The following ZNF546 variants were observed in gnomAD, a reference collection of about 807,000 sequenced individuals.
ZNF546 encodes CTC-471F3.6.
In ZNF546, 60 loss-of-function variants were observed where a neutral mutation model predicts 76.2. That is an observed-to-expected ratio of 0.79 (90% CI 0.64 to 0.98). The LOEUF (loss-of-function observed/expected upper bound fraction) is 0.98, where lower values mean the gene tolerates loss of function less well. Ranked by LOEUF, ZNF546 falls within the 50% of genes least tolerant of loss-of-function variation. The probability of loss-of-function intolerance (pLI) is 0.00; values close to 1 mark genes in which losing one functional copy is unlikely to be tolerated. For synonymous variants in ZNF546, 277 were observed against 328.1 expected (o/e 0.84, Z 1.68); for missense variants, 936 against 1,035.6 (o/e 0.90, Z 1.32).
At chr19:40,001,600 G>C (rs1353458432) in intron 3 of ZNF546, among the ~76,000 whole-genome samples, 2 of 152,084 alleles carry the variant, frequency 1.3e-5, no homozygotes, top group Admixed American at 1.3e-4. Context: ...GACCTCAGGT[G>C]ATCCACCCAC....
Position 40,014,169 on chromosome 19 carries a change from C to T in ZNF546, c.899C>T (p.Pro300Leu). The stretch of plus-strand genomic sequence containing the variant: ...CAGAGAATACATTCTGGTGTGAAAC[C>T]CTACGAGTGTAAGGAATGTGGGAAA... Reference protein sequence around the residue: ...EHQRIHSGVKPYECKECGKAF... With the variant: ...EHQRIHSGVKLYECKECGKAF... The change falls in exon 7 of 7, where the codon CCC (proline) becomes CTC (leucine). Residue 300 changes from proline (P) to leucine (L), a missense_variant. Coordinates refer to ENST00000347077, the MANE Select transcript of ZNF546 (RefSeq NM_178544.5). 1 of 1,613,764 alleles carries T rather than the reference C, an allele frequency of 6.2e-7. No individual in the cohort carries two copies. The highest frequency in any genetic ancestry group is 1.1e-5 in the South Asian group (1 of 91,064).
Position 40,006,304 on chromosome 19 carries a change from C to T in ZNF546, c.171+122C>T, listed in dbSNP as rs112628677. On this transcript the variant is annotated intron_variant, in intron 4 of 6. Coordinates refer to ENST00000347077, the MANE Select transcript of ZNF546 (RefSeq NM_178544.5). ...TGTTGTGGAACCTGCTCCCTAGTTA[C>T]TCCCTAGTTACAGTGAAGGATAGTG... The T allele has an allele frequency of 1.6e-3, 1,253 of 772,326 alleles. 15 individuals are homozygous for T. In the African/African-American group the frequency reaches 0.023, roughly 14 times the overall value. The allele number at this position is 772,326 out of a possible 1,614,324, so 47.8% of individuals were successfully genotyped here.
chr19:40,019,697 G>A lies in ZNF546; in HGVS notation c.*3916G>A, dbSNP rs1218174651. 2.0e-5 allele frequency: 3 copies of A among 152,154 alleles called. No individual in the cohort carries two copies. Among genetic ancestry groups the A allele is most frequent in the Admixed American group, 1.3e-4 (2 of 15,274 alleles). The allele number at this position is 152,154 out of a possible 1,614,324, so 9.4% of individuals were successfully genotyped here. On this transcript the variant is annotated 3_prime_UTR_variant, in exon 7 of 7. Coordinates refer to ENST00000347077, the MANE Select transcript of ZNF546 (RefSeq NM_178544.5). ...TCTTAAAAGGCAAAAATGTAGGTGA[G>A]TCATTACGAAGAAAGCAGAAATTCT... is the stretch of plus-strand genomic sequence containing the variant.
At position 40,014,598 on chromosome 19, in the gene ZNF546, G is replaced by A; in HGVS notation, c.1328G>A (p.Cys443Tyr). The A allele has an allele frequency of 6.2e-7, 1 of 1,613,608 alleles. No homozygotes were observed. Among genetic ancestry groups the A allele is most frequent in the Non-Finnish European group, 8.5e-7 (1 of 1,179,746 alleles). Reference protein sequence around the residue: ...RIHTGEKPYECRECGKAFRLQ... With the variant: ...RIHTGEKPYEYRECGKAFRLQ... ...CATACTGGTGAGAAACCCTATGAAT[G>A]TAGAGAATGTGGAAAAGCCTTTCGT... Residue 443 changes from cysteine (C) to tyrosine (Y), a missense_variant, in exon 7 of 7, where the codon TGT (cysteine) becomes TAT (tyrosine). By Grantham distance (194) the Cys-to-Tyr change is radical. Transcript: ENST00000347077.
At chr19:40,008,325 T>TA in intron 5 of ZNF546, 145 bp from the exon 6 acceptor site, 1 of 500,462 alleles carries the variant, frequency 2.0e-6, no homozygotes. Flanking sequence ...AGATGGCCTT[T>TA]TTCTTCTTTA....
rs1399757332 is a variant in ZNF546 at position 40,008,556 on chromosome 19, T to C, written c.385T>C (p.Trp129Arg). The change falls in exon 6 of 7, where the codon TGG (tryptophan) becomes CGG (arginine). Residue 129 changes from tryptophan to arginine, a missense_variant. Trp to Arg is a moderately radical substitution (Grantham distance 101). Transcript: ENST00000347077. ...WIVMREGTRN[W>R]FTDLEYKYIT... The stretch of plus-strand genomic sequence containing the variant: ...AGTAATGAGGGAAGGGACAAGGAAT[T>C]GGTTCACAGGTGAGTGACAGCAAAT... The C allele has an allele frequency of 1.2e-6, 2 of 1,612,758 alleles. No individual in the cohort carries two copies. The highest frequency in any genetic ancestry group is 1.7e-6 in the Non-Finnish European group (2 of 1,179,002).
Position 40,014,270 on chromosome 19 carries a change from T to C in ZNF546, c.1000T>C (p.Cys334Arg), listed in dbSNP as rs1165798182. The C allele has an allele frequency of 1.9e-6, 3 of 1,613,924 alleles. No individual in the cohort carries two copies. The highest frequency in any genetic ancestry group is 2.2e-5 in the East Asian group (1 of 44,866). Residue 334 changes from cysteine to arginine, a missense_variant, in exon 7 of 7, where the codon TGT becomes CGT. By Grantham distance (180) the Cys-to-Arg change is radical. Transcript: ENST00000347077. ...AGAGAGACCTTATGAATGTAAAGAA[T>C]GTGGGAAGGCCTTTAGACTTCATTA... The part of the protein sequence containing the change: ...AGERPYECKE[C>R]GKAFRLHYQL...
chr19:40,019,370 G>A lies in ZNF546; in HGVS notation c.*3589G>A, dbSNP rs553436194. On this transcript the variant is annotated 3_prime_UTR_variant, in exon 7 of 7. Transcript: ENST00000347077. Reference sequence around the variant, plus strand: ...AAGAATGAAGAAGCATTAAACTCAAGAAACTAAGGGAAAAATAAGTCAATA... The same window carrying A: ...AAGAATGAAGAAGCATTAAACTCAAAAAACTAAGGGAAAAATAAGTCAATA... 5.3e-5 allele frequency: 8 copies of A among 152,094 alleles called. No homozygotes were observed. In the South Asian group the frequency reaches 1.2e-3, roughly 24 times the overall value. The allele number at this position is 152,094 out of a possible 1,614,324, so 9.4% of individuals were successfully genotyped here. A position where few individuals can be genotyped will look rare whatever the true frequency, so the allele number is the denominator to read the frequency against.
chr19:40,015,823 A>T lies in ZNF546; in HGVS notation c.*42A>T. The T allele has an allele frequency of 6.3e-7, 1 of 1,579,718 alleles. No individual in the cohort carries two copies. Among genetic ancestry groups the T allele is most frequent in the South Asian group, 1.1e-5 (1 of 89,414 alleles). ...TTTAGAAAATGCCCTTTAGCAGAGA[A>T]TTTGTAATTTAAGAAATTTTCTGTT... is the stretch of plus-strand genomic sequence containing the variant. On this transcript the variant is annotated 3_prime_UTR_variant, in exon 7 of 7. Coordinates refer to ENST00000347077, the MANE Select transcript of ZNF546 (RefSeq NM_178544.5).
At chr19:40,007,448 G>A in intron 5 of ZNF546, 48 bp downstream of exon 5, 1 of 1,491,446 alleles carries the variant, frequency 6.7e-7, no homozygotes, top group Non-Finnish European at 9.0e-7. Flanking sequence ...TGGAGTATCA[G>A]CTTTCTCCAC....
chr19:40,005,974 T>G (rs1000019536), intron 3 of ZNF546, 122 bp from the exon 4 acceptor site: 5 of 850,800 alleles, frequency 5.9e-6, no homozygotes, highest in African/African-American at 1.7e-5. Context: ...TTCCCCAGTT[T>G]ATATGCGCAG....
chr19:39,999,225 T>C (rs78343306), intron 3 of ZNF546, among the ~76,000 whole-genome samples: 305 of 152,350 alleles, frequency 2.0e-3, no homozygotes, highest in African/African-American at 7.1e-3. Context: ...AATTTTCTTA[T>C]TCAGTCTGCA....
intron 3 of ZNF546, among the ~76,000 whole-genome samples, chr19:40,005,438 G>T (rs1189883758): frequency 6.6e-6 from 1 of 152,110 alleles, no homozygotes; most frequent in Non-Finnish European, 1.5e-5. Flanking sequence ...CTACAAATCT[G>T]TAGCATTTAC....
intron 6 of ZNF546, among the ~76,000 whole-genome samples, chr19:40,012,754 A>G (rs1028482462): frequency 3.3e-5 from 5 of 151,760 alleles, no homozygotes; most frequent in Non-Finnish European, 7.4e-5. Flanking sequence ...ATTTCCCTAA[A>G]TCCATCCTAA....
intron 6 of ZNF546, among the ~76,000 whole-genome samples, chr19:40,011,908 C>T (rs1182250136): frequency 6.6e-6 from 1 of 152,182 alleles, no homozygotes; most frequent in Non-Finnish European, 1.5e-5. Flanking sequence ...ATTTAGGGCC[C>T]ACCCTTTTTC....
In ZNF546 at chr19:39,998,244, T is replaced by C. The variant is rs559183669; in HGVS notation, c.-79-4T>C. 2 of 1,093,488 alleles carry C rather than the reference T, an allele frequency of 1.8e-6. No homozygotes were observed. Among genetic ancestry groups the C allele is most frequent in the African/African-American group, 3.1e-5 (2 of 63,590 alleles). The allele number at this position is 1,093,488 out of a possible 1,614,324, so 67.7% of individuals were successfully genotyped here. On this transcript the variant is annotated splice_polypyrimidine_tract_variant and splice_region_variant and intron_variant, in intron 2 of 6. Transcript: ENST00000347077. Reference sequence around the variant, plus strand: ...ATAAATGCATAAAATGTTTTTGTTTTTAGGAAATGGAAACATTGCTTTGCT... The same window carrying C: ...ATAAATGCATAAAATGTTTTTGTTTCTAGGAAATGGAAACATTGCTTTGCT...
At chr19:40,004,323 A>C (rs1027803365) in intron 3 of ZNF546, among the ~76,000 whole-genome samples, 1 of 151,942 alleles carries the variant, frequency 6.6e-6, no homozygotes, top group African/African-American at 2.4e-5. Context: ...GCTGGACTAC[A>C]GTGGCACAGT....
chr19:40,013,122 A>G (rs234311), intron 6 of ZNF546, among the ~76,000 whole-genome samples: 2,097 of 152,206 alleles, frequency 0.014, 42 homozygotes, highest in African/African-American at 0.047. Context: ...CTATTTTACA[A>G]TTCTTAAAAG....
intron 6 of ZNF546, 108 bp from the exon 7 acceptor site, chr19:40,013,555 TTA>T: frequency 1.1e-6 from 1 of 917,016 alleles, no homozygotes; most frequent in Non-Finnish European, 1.6e-6. Context: ...TTATTTCTGT[TTA>T]TCTTTTATTT....
Sources: allele counts gnomAD v4.1 joint callset (sites outside exome capture counted in the v4.1 genomes callset), GRCh38; gene constraint gnomAD v4.1.1; transcripts MANE v1.5; gene names NCBI Gene and HGNC (gene_info 2026-07-23, HGNC 2026-07-21).